GNAI1: variants seen among roughly 807,000 people sequenced by gnomAD.
GNAI1 encodes G protein subunit alpha i1.
Under a neutral mutation model 38.9 loss-of-function variants are expected in GNAI1, and 11 were observed. The observed-to-expected ratio is 0.28, with a 90% CI of 0.18 to 0.47. The LOEUF (loss-of-function observed/expected upper bound fraction) is 0.47. Ranked by LOEUF, GNAI1 falls within the 20% of genes least tolerant of loss-of-function variation. The pLI is 0.99. For synonymous variants in GNAI1, 166 were observed against 145.1 expected (o/e 1.14, Z -1.04); for missense variants, 317 against 436.9 (o/e 0.73, Z 2.45).
chr7:80,160,746 G>A lies in GNAI1; in HGVS notation c.118+25468G>A, dbSNP rs189131802. Reference sequence around the variant, plus strand: ...GTTCTTCAGACCATTATAAAAATCTGTTTTATTAAGGAGAGTATTTTGGTA... The same window carrying A: ...GTTCTTCAGACCATTATAAAAATCTATTTTATTAAGGAGAGTATTTTGGTA... On this transcript the variant is annotated intron_variant, in intron 1 of 7. Coordinates refer to ENST00000649796, the MANE Select transcript of GNAI1 (RefSeq NM_002069.6). Among the ~76,000 whole-genome samples the A allele has an allele frequency of 2.6e-3, 399 of 152,170 alleles. 5 individuals are homozygous for A. The highest frequency in any genetic ancestry group is 9.2e-3 in the African/African-American group (383 of 41,524).
At chr7:80,158,304 CT>C (rs1221131237) in intron 1 of GNAI1, among the ~76,000 whole-genome samples, 2 of 152,106 alleles carry the variant, frequency 1.3e-5, no homozygotes, top group African/African-American at 4.8e-5. Flanking sequence ...TGTTTGTTTG[CT>C]TAATCAGTAT....
At chr7:80,161,497 C>T (rs1037755691) in intron 1 of GNAI1, among the ~76,000 whole-genome samples, 1 of 152,136 alleles carries the variant, frequency 6.6e-6, no homozygotes, top group African/African-American at 2.4e-5. Flanking sequence ...TATTTTACCA[C>T]TGGGCATGCT....
chr7:80,169,911 A>G (rs971821622), intron 1 of GNAI1, among the ~76,000 whole-genome samples: 1 of 152,218 alleles, frequency 6.6e-6, no homozygotes, highest in African/African-American at 2.4e-5. Context: ...GACATTTCGT[A>G]TAAATGGAAT....
chr7:80,190,082 T>C (rs1466977452), intron 3 of GNAI1, among the ~76,000 whole-genome samples: 3 of 152,086 alleles, frequency 2.0e-5, no homozygotes, highest in Admixed American at 2.0e-4. Context: ...GTCTTCCTAC[T>C]AATACTATGA....
chr7:80,159,548 T>G (rs2116123674), intron 1 of GNAI1, among the ~76,000 whole-genome samples: 1 of 152,334 alleles, frequency 6.6e-6, no homozygotes, highest in Non-Finnish European at 1.5e-5. Context: ...AATACATGTA[T>G]ACGTTGTGTA....
At chr7:80,154,463 G>A (rs1234144822) in intron 1 of GNAI1, among the ~76,000 whole-genome samples, 3 of 152,178 alleles carry the variant, frequency 2.0e-5, no homozygotes, top group African/African-American at 4.8e-5. Flanking sequence ...TCTTGGGTTT[G>A]CTCTGGAAAG....
At chr7:80,150,731 C>G (rs993388382) in intron 1 of GNAI1, among the ~76,000 whole-genome samples, 1 of 152,114 alleles carries the variant, frequency 6.6e-6, no homozygotes, top group African/African-American at 2.4e-5. Flanking sequence ...CGTAAATAAA[C>G]AGAACTTTTG....
intron 1 of GNAI1, among the ~76,000 whole-genome samples, chr7:80,137,482 G>C (rs1028893479): frequency 6.6e-6 from 1 of 151,334 alleles, no homozygotes; most frequent in Non-Finnish European, 1.5e-5. Flanking sequence ...CACCATGCTC[G>C]GCTAATTTTG....
At chr7:80,153,302 T>C (rs1031459718) in intron 1 of GNAI1, among the ~76,000 whole-genome samples, 3 of 152,212 alleles carry the variant, frequency 2.0e-5, no homozygotes, top group African/African-American at 7.2e-5. Flanking sequence ...AATATAGTTT[T>C]ACATCCTTGG....
intron 1 of GNAI1, among the ~76,000 whole-genome samples, chr7:80,152,724 C>G (rs770737628): frequency 2.1e-4 from 32 of 151,832 alleles, no homozygotes; most frequent in Non-Finnish European, 4.0e-4. Flanking sequence ...CCATGCCTGG[C>G]TAATTTTTAA....
In GNAI1 at chr7:80,217,445, A is replaced by G. The variant is rs1472323992; in HGVS notation, c.1017A>G (p.Val339=). 2 of 1,607,926 alleles carry G rather than the reference A, an allele frequency of 1.2e-6. No individual in the cohort carries two copies. The change falls in exon 8 of 8, where the codon GTA becomes GTG. Residue 339 remains valine (V), a synonymous_variant. Coordinates refer to ENST00000649796, the MANE Select transcript of GNAI1 (RefSeq NM_002069.6). ...ATGTGCAGTTTGTTTTTGATGCTGT[A>G]ACAGATGTCATCATAAAAAATAATC... ...TKNVQFVFDA[V]TDVIIKNNLK... is the part of the protein sequence containing the mutation.
At chr7:80,141,209 C>T (rs1787519934) in intron 1 of GNAI1, among the ~76,000 whole-genome samples, 1 of 152,154 alleles carries the variant, frequency 6.6e-6, no homozygotes, top group African/African-American at 2.4e-5. Context: ...CCCTCTGGCT[C>T]CCAAAGGCTC....
intron 3 of GNAI1, among the ~76,000 whole-genome samples, chr7:80,190,398 A>G (rs990593379): frequency 1.3e-5 from 2 of 152,064 alleles, no homozygotes; most frequent in African/African-American, 4.8e-5. Flanking sequence ...TACATTTATC[A>G]TTTATTCAGC....
intron 7 of GNAI1, among the ~76,000 whole-genome samples, chr7:80,213,921 G>A (rs923732197): frequency 2.6e-5 from 4 of 151,528 alleles, no homozygotes; most frequent in African/African-American, 7.3e-5. Context: ...TAAATTGTAC[G>A]ATGAGTATTC....
At position 80,181,900 on chromosome 7, in the gene GNAI1, T is replaced by A. The variant is rs138529170; in HGVS notation, c.119-7051T>A. Among the ~76,000 whole-genome samples the A allele has an allele frequency of 2.0e-5, 3 of 152,310 alleles. No homozygotes were observed. The East Asian group carries it at 5.8e-4, about 29-fold the overall frequency. On this transcript the variant is annotated intron_variant, in intron 1 of 7. Transcript: ENST00000649796. ...TTTTTTGTGGTGAAAACATTTAAGATCTACTCTGTTAGTAGTTTTCAAGTA... is the reference window on the plus strand; with the variant it reads ...TTTTTTGTGGTGAAAACATTTAAGAACTACTCTGTTAGTAGTTTTCAAGTA...
At chr7:80,183,406 G>GTT (rs1268391885) in intron 1 of GNAI1, among the ~76,000 whole-genome samples, 2 of 152,116 alleles carry the variant, frequency 1.3e-5, no homozygotes, top group African/African-American at 2.4e-5. Context: ...GTTCATTGTA[G>GTT]TTTAGTTTTA....
intron 1 of GNAI1, among the ~76,000 whole-genome samples, chr7:80,168,229 AC>A (rs1355656360): frequency 6.6e-6 from 1 of 151,822 alleles, no homozygotes; most frequent in African/African-American, 2.4e-5. Flanking sequence ...CATGTACTTA[AC>A]CCTCTTTTTA....
At chr7:80,197,408 A>C (rs1258127278) in intron 3 of GNAI1, among the ~76,000 whole-genome samples, 1 of 151,984 alleles carries the variant, frequency 6.6e-6, no homozygotes, top group African/African-American at 2.4e-5. Flanking sequence ...CTTGTGACCC[A>C]TACTGGAGGG....
At chr7:80,199,757 C>T (rs1788646345) in intron 4 of GNAI1, among the ~76,000 whole-genome samples, 1 of 152,078 alleles carries the variant, frequency 6.6e-6, no homozygotes, top group Non-Finnish European at 1.5e-5. Flanking sequence ...GAGTTCCTTT[C>T]ATTATGTTAG....
Sources: gnomAD v4.1 joint callset for allele counts (sites outside exome capture counted in the v4.1 genomes callset) on GRCh38, gnomAD v4.1.1 for gene constraint, MANE v1.5 for transcripts, NCBI Gene and HGNC (gene_info 2026-07-23, HGNC 2026-07-21) for gene names.